GLO1: variants seen among roughly 807,000 people sequenced by gnomAD.
GLO1 encodes the protein glyoxalase I, also known as lactoylglutathione lyase.
GLO1 carries 28 observed loss-of-function variants against 26.0 expected under a neutral mutation model. The ratio of observed to expected loss-of-function variants is 1.08; its 90% CI spans 0.80 to 1.48. The LOEUF is 1.48. GLO1 is among the 40% of genes most tolerant of loss of function. The pLI is 0.00. For synonymous variants in GLO1, 78 were observed against 77.6 expected, an observed-to-expected ratio of 1.00 and a Z score of -0.03; for missense variants, 225 against 224.8, an observed-to-expected ratio of 1.00 and a Z score of -0.01.
Position 38,691,011 on chromosome 6 carries a change from T to C in GLO1, c.85-4037A>G, listed in dbSNP as rs186120351. Among the ~76,000 whole-genome samples the C allele has an allele frequency of 9.8e-5, 15 of 152,340 alleles. No homozygotes were observed. In the East Asian group the frequency reaches 2.5e-3, roughly 25 times the overall value. On this transcript the variant is annotated intron_variant, in intron 1 of 5. Transcript: ENST00000373365. ...TTGCTTTATTGGTATGGTTCTAAAA[T>C]ATCGTTTAAAATACATGTATCTCCT...
intron 1 of GLO1, among the ~76,000 whole-genome samples, chr6:38,692,713 T>G (rs1761548807): frequency 6.6e-6 from 1 of 151,826 alleles, no homozygotes; most frequent in African/African-American, 2.4e-5. Flanking sequence ...CCATTCCTAT[T>G]TTTTTCTGAA....
intron 1 of GLO1, 190 bp from the exon 2 acceptor site, chr6:38,687,164 T>C: frequency 1.1e-6 from 1 of 911,460 alleles, no homozygotes; most frequent in Non-Finnish European, 1.3e-6. Context: ...TCAGAAAGTT[T>C]CCACTGCAGG....
rs767814917 is a variant in GLO1 at position 38,703,015 on chromosome 6, C to G, written c.40G>C (p.Glu14Gln). Reference sequence around the variant, plus strand: ...TCGGAGCAGCAACTGAGGGCGGCCTCGTCCGTGAGGCCGCCGGACGGGGGC... The same window carrying G: ...TCGGAGCAGCAACTGAGGGCGGCCTGGTCCGTGAGGCCGCCGGACGGGGGC... ...PQPPSGGLTD[E>Q]AALSCCSDAD... The change falls in exon 1 of 6, where the codon GAG becomes CAG. Residue 14 changes from glutamate (E) to glutamine (Q), a missense_variant. Glu to Gln is a conservative substitution (Grantham distance 29). Transcript: ENST00000373365. 8.2e-6 allele frequency: 13 copies of G among 1,591,066 alleles called. No homozygotes were observed. In the South Asian group the frequency reaches 1.4e-4, roughly 18 times the overall value.
At chr6:38,688,933 C>A (rs1253390403) in intron 1 of GLO1, among the ~76,000 whole-genome samples, 1 of 152,142 alleles carries the variant, frequency 6.6e-6, no homozygotes, top group South Asian at 2.1e-4. Flanking sequence ...AGAGAGCGAG[C>A]GTGCGCGCGC....
At position 38,677,326 on chromosome 6, in the gene GLO1, A is replaced by C. The variant is rs770732901; in HGVS notation, c.524T>G (p.Leu175Trp). Residue 175 changes from leucine to tryptophan, a missense_variant, in exon 6 of 6, where the codon TTG (leucine) becomes TGG (tryptophan). By Grantham distance (61) the Leu-to-Trp change is moderately conservative. Transcript: ENST00000373365. ...TAAGGTTGCCATTTTGTTAGGATTC[A>C]AAATTTCAATCCAGTAGCCATCAGG... The part of the protein sequence containing the change: ...QDPDGYWIEI[L>W]NPNKMATLM The C allele has an allele frequency of 6.4e-7, 1 of 1,558,844 alleles. No homozygotes were observed. The highest frequency in any genetic ancestry group is 1.4e-5 in the African/African-American group (1 of 73,938).
rs567882403 is a variant in GLO1, at chr6:38,676,962, A to T, written c.*333T>A. Reference sequence around the variant, plus strand: ...AACAAAAACATGTTAATTTTTTTTTAAAAATGATGATTCAAAGGCAGATTT... The same window carrying T: ...AACAAAAACATGTTAATTTTTTTTTTAAAATGATGATTCAAAGGCAGATTT... On this transcript the variant is annotated 3_prime_UTR_variant, in exon 6 of 6. Transcript: ENST00000373365. 1.6e-4 allele frequency: 31 copies of T among 195,420 alleles called. No homozygotes were observed. Among genetic ancestry groups the T allele is most frequent in the South Asian group, 1.1e-3 (7 of 6,524 alleles). The allele number at this position is 195,420 out of a possible 1,614,324, so 12.1% of individuals were successfully genotyped here.
chr6:38,679,961 G>A (rs1301993690), intron 5 of GLO1, among the ~76,000 whole-genome samples: 2 of 152,174 alleles, frequency 1.3e-5, no homozygotes, highest in Admixed American at 1.3e-4. Context: ...GAGAAAATTA[G>A]CTAATTGGTA....
rs776172656 is a variant in GLO1, at chr6:38,702,972, T to G, written c.83A>C (p.Lys28Thr). 3 of 1,552,836 alleles carry G rather than the reference T, an allele frequency of 1.9e-6. No individual in the cohort carries two copies. Among genetic ancestry groups the G allele is most frequent in the Non-Finnish European group, 1.8e-6 (2 of 1,126,094 alleles). The change falls in exon 1 of 6, where the codon AAG becomes ACG. Residue 28 changes from lysine (K) to threonine (T), a missense_variant and splice_region_variant. Physicochemically the swap from Lys to Thr is moderately conservative, Grantham distance 78. Coordinates refer to ENST00000373365, the MANE Select transcript of GLO1 (RefSeq NM_006708.3). ...SCCSDADPSTKDFLLQQTMLR... is the reference protein window; with the variant it reads ...SCCSDADPSTTDFLLQQTMLR... ...CGTTCCCTTCGGTCCTGTGCCCACC[T>G]TGGTACTGGGGTCCGCGTCGGAGCA...
intron 5 of GLO1, 133 bp downstream of exon 5, chr6:38,681,879 T>C (rs1761385733): frequency 3.2e-6 from 2 of 619,742 alleles, no homozygotes; most frequent in Middle Eastern, 2.6e-4. Flanking sequence ...CATTTCTCTT[T>C]TTTAAAACTC....
intron 2 of GLO1, among the ~76,000 whole-genome samples, chr6:38,686,645 G>A (rs934883951): frequency 2.6e-5 from 4 of 152,184 alleles, no homozygotes; most frequent in Admixed American, 2.6e-4. Flanking sequence ...AGCTGGGAGC[G>A]CTCAGAGAAG....
chr6:38,686,310 C>T (rs1382704688), intron 2 of GLO1, among the ~76,000 whole-genome samples: 3 of 152,024 alleles, frequency 2.0e-5, no homozygotes, highest in Non-Finnish European at 2.9e-5. Flanking sequence ...TCTATATGCT[C>T]AAAAGCAAAA....
chr6:38,690,576 CAA>C (rs1761515804), intron 1 of GLO1, among the ~76,000 whole-genome samples: 1 of 151,896 alleles, frequency 6.6e-6, no homozygotes, highest in South Asian at 2.1e-4. Flanking sequence ...CATATGAAAA[CAA>C]ATACCACTTA....
chr6:38,692,237 A>C (rs938797711), intron 1 of GLO1, among the ~76,000 whole-genome samples: 17 of 152,158 alleles, frequency 1.1e-4, no homozygotes, highest in African/African-American at 4.1e-4. Flanking sequence ...TGCTGTTTTC[A>C]GCATATGTGT....
intron 1 of GLO1, among the ~76,000 whole-genome samples, chr6:38,699,121 G>C (rs2127549105): frequency 6.6e-6 from 1 of 152,262 alleles, no homozygotes; most frequent in East Asian, 1.9e-4. Flanking sequence ...TCCAGTACCT[G>C]CCCTGCATTG....
In GLO1 at chr6:38,677,023, A is replaced by C; in HGVS notation, c.*272T>G. On this transcript the variant is annotated 3_prime_UTR_variant, in exon 6 of 6. Coordinates refer to ENST00000373365, the MANE Select transcript of GLO1 (RefSeq NM_006708.3). ...AATATTTAGGTGGCAGAAGAAGGCA[A>C]ATGCAGCCTCTGAAGGGAACTGTTC... 9.7e-6 allele frequency: 3 copies of C among 308,402 alleles called. No individual in the cohort carries two copies. The highest frequency in any genetic ancestry group is 1.1e-4 in the East Asian group (2 of 17,536). The allele number at this position is 308,402 out of a possible 1,614,324, so 19.1% of individuals were successfully genotyped here.
chr6:38,696,619 A>G (rs1363880415), intron 1 of GLO1, among the ~76,000 whole-genome samples: 2 of 152,006 alleles, frequency 1.3e-5, no homozygotes, highest in Non-Finnish European at 2.9e-5. Context: ...TGACCTACCT[A>G]ATCACTTTCT....
chr6:38,689,584 C>G (rs1450250483), intron 1 of GLO1, among the ~76,000 whole-genome samples: 1 of 152,126 alleles, frequency 6.6e-6, no homozygotes, highest in Non-Finnish European at 1.5e-5. Context: ...CTATTCTATC[C>G]CATAGTCTAT....
At chr6:38,701,719 A>G (rs550002065) in intron 1 of GLO1, among the ~76,000 whole-genome samples, 3 of 152,158 alleles carry the variant, frequency 2.0e-5, no homozygotes, top group Non-Finnish European at 4.4e-5. Context: ...AAGTTTTAGC[A>G]ATGAGATGTG....
At chr6:38,679,403 T>C (rs1361372434) in intron 5 of GLO1, among the ~76,000 whole-genome samples, 6 of 152,074 alleles carry the variant, frequency 3.9e-5, no homozygotes, top group Non-Finnish European at 5.9e-5. Context: ...CCTCAAGTGA[T>C]CCTCCCGAAC....
Sources: allele counts gnomAD v4.1 joint callset (sites outside exome capture counted in the v4.1 genomes callset), GRCh38; gene constraint gnomAD v4.1.1; transcripts MANE v1.5; gene names NCBI Gene and HGNC (gene_info 2026-07-23, HGNC 2026-07-21).